Variants in NDUFAF6 observed in about 807,000 individuals in gnomAD.
The protein encoded by NDUFAF6 is NADH:ubiquinone oxidoreductase complex assembly factor 6.
Under a neutral mutation model 40.8 loss-of-function variants are expected in NDUFAF6, and 45 were observed. The observed-to-expected ratio is 1.10, with a 90% CI of 0.87 to 1.42. NDUFAF6 has a LOEUF of 1.42. Ranked by LOEUF, NDUFAF6 falls within the 40% of genes most tolerant of loss-of-function variation. The pLI is 0.00. For synonymous variants in NDUFAF6, 185 were observed against 155.9 expected (o/e 1.19, Z -1.39); for missense variants, 435 against 418.5 (o/e 1.04, Z -0.34).
rs533989254 is a variant in NDUFAF6 at position 94,964,748 on chromosome 8, T to A, written c.-199+6569T>A. On this transcript the variant is annotated intron_variant, in intron 1 of 9. Transcript: ENST00000396111. ...GCCATTCATGAATCATCTGCCCCTG[T>A]GACCAAATATCTCCCACTGAGCCCC... 3.4e-4 allele frequency among the ~76,000 whole-genome samples: 52 copies of A among 152,344 alleles called. 1 individual carries two copies. Among genetic ancestry groups the A allele is most frequent in the African/African-American group, 1.2e-3 (50 of 41,580 alleles).
At chr8:94,931,995 TA>T in intron 1 of NDUFAF6, 1 of 1,435,768 alleles carries the variant, frequency 7.0e-7, no homozygotes, top group South Asian at 1.3e-5. Flanking sequence ...AAGTCATTTT[TA>T]AAAGGTCAGC....
intron 1 of NDUFAF6, among the ~76,000 whole-genome samples, chr8:94,970,114 G>A (rs1429817021): frequency 6.6e-6 from 1 of 151,956 alleles, no homozygotes; most frequent in Non-Finnish European, 1.5e-5. Context: ...AATTAGCCAG[G>A]TGTGGTGGCA....
Position 94,989,778 on chromosome 8 carries a change from C to T in NDUFAF6, c.-84+8805C>T, listed in dbSNP as rs1015329445. Among the ~76,000 whole-genome samples, 8 of 152,182 alleles carry T rather than the reference C, an allele frequency of 5.3e-5. 1 individual carries two copies. Among genetic ancestry groups the T allele is most frequent in the African/African-American group, 1.9e-4 (8 of 41,444 alleles). On this transcript the variant is annotated intron_variant, in intron 2 of 9. Coordinates refer to the NDUFAF6 transcript ENST00000396111. ...CATCACAATGGTCTCTCTCTGTTAT[C>T]CAAGCTGGAGTGCAGTGGCGTTATC...
Position 95,057,909 on chromosome 8 carries a change from A to G in NDUFAF6, c.974A>G (p.Tyr325Cys), listed in dbSNP as rs371990047. The change falls in exon 9 of 9, where the codon TAT (tyrosine) becomes TGT (cysteine). Residue 325 changes from tyrosine (Y) to cysteine (C), a missense_variant. By Grantham distance (194) the Tyr-to-Cys change is radical. Transcript: ENST00000396124. ...AATACATTACTTCCATTATATTTGT[A>G]TATTCAGTCATGGAGAAAAACATAT... is the stretch of plus-strand genomic sequence containing the variant. ...QKNTLLPLYL[Y>C]IQSWRKTY The G allele has an allele frequency of 1.3e-6, 2 of 1,542,662 alleles. No individual in the cohort carries two copies. Among genetic ancestry groups the G allele is most frequent in the Non-Finnish European group, 1.8e-6 (2 of 1,115,518 alleles).
chr8:95,037,149 T>C (rs1829598022), intron 3 of NDUFAF6, among the ~76,000 whole-genome samples: 1 of 152,264 alleles, frequency 6.6e-6, no homozygotes, highest in African/African-American at 2.4e-5. Flanking sequence ...CCCATTTCTC[T>C]GTATGAATTT....
chr8:95,072,226 G>A (rs764571448), intron 9 of NDUFAF6, among the ~76,000 whole-genome samples: 3 of 151,942 alleles, frequency 2.0e-5, no homozygotes, highest in Non-Finnish European at 4.4e-5. Context: ...GCCCTACTTC[G>A]CAGCACCCCC....
intron 4 of NDUFAF6, among the ~76,000 whole-genome samples, chr8:95,112,720 C>T (rs1810032973): frequency 1.3e-5 from 2 of 152,238 alleles, no homozygotes; most frequent in Admixed American, 6.5e-5. Flanking sequence ...CCTGTCCCTC[C>T]ATGCTCCTGC....
At chr8:95,054,269 TG>T (rs150553268) in intron 8 of NDUFAF6, among the ~76,000 whole-genome samples, 2,643 of 151,582 alleles carry the variant, frequency 0.017, 81 homozygotes, top group African/African-American at 0.059. Context: ...AATTGTGAGG[TG>T]TGGCTAGGCC....
intron 1 of NDUFAF6, among the ~76,000 whole-genome samples, chr8:94,923,490 C>T (rs1477933220): frequency 1.3e-5 from 2 of 152,208 alleles, no homozygotes; most frequent in Non-Finnish European, 2.9e-5. Flanking sequence ...GCTCTCTTCT[C>T]ATCCCCACTA....
chr8:94,930,447 C>A (rs1177354759), intron 1 of NDUFAF6: 5 of 1,611,928 alleles, frequency 3.1e-6, no homozygotes, highest in Non-Finnish European at 4.2e-6. Context: ...AAGCACAAAC[C>A]AAGAGAAACC....
chr8:94,980,213 T>TTATA (rs144744124), intron 1 of NDUFAF6, among the ~76,000 whole-genome samples: 2 of 149,152 alleles, frequency 1.3e-5, no homozygotes, highest in Admixed American at 1.3e-4. Flanking sequence ...TGCATTTTTA[T>TTATA]TATATATATA....
downstream of NDUFAF6, among the ~76,000 whole-genome samples, chr8:95,077,416 T>C (rs1415844064): frequency 6.6e-6 from 1 of 152,150 alleles, no homozygotes; most frequent in East Asian, 1.9e-4. Context: ...ATTTTTTCTA[T>C]CCGGTAACTG....
At chr8:94,927,199 CAG>C (rs965355186) in intron 1 of NDUFAF6, 1 of 152,468 alleles carries the variant, frequency 6.6e-6, no homozygotes, top group Non-Finnish European at 1.5e-5. Flanking sequence ...GTTTCCAACT[CAG>C]AGAAAATGAG....
At chr8:95,012,457 T>A (rs1208562219) in intron 2 of NDUFAF6, among the ~76,000 whole-genome samples, 1 of 152,128 alleles carries the variant, frequency 6.6e-6, no homozygotes, top group Non-Finnish European at 1.5e-5. Flanking sequence ...CTAATACATC[T>A]CAATAAATGT....
downstream of NDUFAF6, among the ~76,000 whole-genome samples, chr8:95,079,215 G>A (rs558796876): frequency 9.2e-5 from 14 of 151,816 alleles, no homozygotes; most frequent in Middle Eastern, 0.014. Context: ...CAAGTGATCC[G>A]CCCACCTCAG....
At chr8:94,970,525 A>C (rs567912018) in intron 1 of NDUFAF6, among the ~76,000 whole-genome samples, 1 of 152,204 alleles carries the variant, frequency 6.6e-6, no homozygotes, top group Non-Finnish European at 1.5e-5. Flanking sequence ...TAGGAGTTCG[A>C]GGTTATAGTG....
rs143958874 is a variant in NDUFAF6 at position 94,968,813 on chromosome 8, A to G, written c.-199+10634A>G. On this transcript the variant is annotated intron_variant, in intron 1 of 9. Coordinates refer to the NDUFAF6 transcript ENST00000396111. ...GGCCCAGGGGAGAGAGAGCAAAATC[A>G]TGGAGTCATGTTGATGCAGGTGGGG... Among the ~76,000 whole-genome samples the G allele has an allele frequency of 2.4e-3, 368 of 152,328 alleles. 2 individuals are homozygous for G. In the Middle Eastern group the frequency reaches 0.031, roughly 13 times the overall value.
At chr8:94,912,940 C>T (rs1295400966) in intron 1 of NDUFAF6, among the ~76,000 whole-genome samples, 1 of 152,210 alleles carries the variant, frequency 6.6e-6, no homozygotes, top group South Asian at 2.1e-4. Flanking sequence ...GATCACGCCA[C>T]TGCATTCCAG....
In NDUFAF6 at chr8:95,024,989, G is replaced by C; in HGVS notation, c.-20G>C. 2.3e-6 allele frequency: 3 copies of C among 1,312,800 alleles called. No individual in the cohort carries two copies. Among genetic ancestry groups the C allele is most frequent in the Non-Finnish European group, 2.9e-6 (3 of 1,036,824 alleles). 81.3% of individuals were successfully genotyped at this position (1,312,800 alleles called of 1,614,324 possible). On this transcript the variant is annotated 5_prime_UTR_variant, in exon 1 of 9. Transcript: ENST00000396124. ...TGCGCGCCGACGGCGGGGGGTCGAA[G>C]GGCACGCAGTGCCGGCGTCATGGCG... is the stretch of plus-strand genomic sequence containing the variant.
Sources: gnomAD v4.1 joint callset for allele counts (sites outside exome capture counted in the v4.1 genomes callset) on GRCh38, gnomAD v4.1.1 for gene constraint, MANE v1.5 for transcripts, NCBI Gene and HGNC (gene_info 2026-07-23, HGNC 2026-07-21) for gene names.